Variants in PCAT7 observed in about 807,000 individuals in gnomAD.
The protein encoded by PCAT7 is prostate cancer associated transcript 7, also known as prostate cancer associated transcript 7 (non-protein coding).
At chr9:94,558,430 G>C (rs1395175564) in intron 1 of PCAT7, among the ~76,000 whole-genome samples, 1 of 152,116 alleles carries the variant, frequency 6.6e-6, no homozygotes, top group Non-Finnish European at 1.5e-5. Context: ...GAGTAGCTGG[G>C]ACTACAGGCG....
At chr9:94,561,802 C>T (rs1296507297) in intron 2 of PCAT7, among the ~76,000 whole-genome samples, 3 of 152,230 alleles carry the variant, frequency 2.0e-5, no homozygotes, top group South Asian at 2.1e-4. Flanking sequence ...AGCAGAAATG[C>T]GGAGATTAGG....
chr9:94,555,914 A>G (rs1827000606), intron 1 of PCAT7, among the ~76,000 whole-genome samples: 1 of 143,696 alleles, frequency 7.0e-6, no homozygotes, highest in African/African-American at 2.6e-5. Flanking sequence ...GGCAAAAAGG[A>G]GGGTGGCAAG....
chr9:94,559,018 G>A (rs376093116), exon 2 of PCAT7: 69 of 1,614,088 alleles, frequency 4.3e-5, no homozygotes, highest in Middle Eastern at 1.6e-4. Flanking sequence ...AGGGGGACTC[G>A]CTGGTGAATT....
At chr9:94,571,680 A>AAC in intron 2 of PCAT7, 1 of 1,280,534 alleles carries the variant, frequency 7.8e-7, no homozygotes, top group Non-Finnish European at 1.1e-6. Flanking sequence ...TGGGCTTCAG[A>AAC]TCTCCTCGAA....
At chr9:94,571,699 G>T in intron 2 of PCAT7, 1 of 1,137,814 alleles carries the variant, frequency 8.8e-7, no homozygotes. Flanking sequence ...AATCACTGAA[G>T]GAAGCGCGGT....
chr9:94,571,055 G>C (rs929746441), intron 2 of PCAT7: 3 of 158,800 alleles, frequency 1.9e-5, no homozygotes, highest in Non-Finnish European at 4.1e-5. Context: ...TGATGGGCAA[G>C]CCATCCAGCA....
chr9:94,560,347 T>C (rs1827078238), intron 2 of PCAT7, among the ~76,000 whole-genome samples: 1 of 152,176 alleles, frequency 6.6e-6, no homozygotes, highest in African/African-American at 2.4e-5. Flanking sequence ...TGAATTGAAA[T>C]GAATGGGGTT....
rs1010788991 is a variant in PCAT7, at chr9:94,564,556, G to A, written n.441+5404G>A. On this transcript the variant is annotated intron_variant and non_coding_transcript_variant, in intron 2 of 8. Coordinates refer to ENST00000647389, the Ensembl canonical transcript of PCAT7. ...CTAATTATCTTAAGTAAACTAACAC[G>A]GAAATAGGAAACCAAATGCCACATG... 2.0e-4 allele frequency among the ~76,000 whole-genome samples: 30 copies of A among 152,104 alleles called. No individual in the cohort carries two copies. In the South Asian group the frequency reaches 2.9e-3, roughly 15 times the overall value.
intron 2 of PCAT7, chr9:94,567,511 G>A: frequency 7.2e-7 from 1 of 1,397,586 alleles, no homozygotes; most frequent in Non-Finnish European, 9.8e-7. Context: ...CCTGCTGGCA[G>A]AGCTGGGGCT....
chr9:94,569,552 A>T (rs498635), intron 2 of PCAT7: 73,965 of 152,134 alleles, frequency 0.49, 18,600 homozygotes, highest in African/African-American at 0.6. Context: ...GGGCCGGGAC[A>T]CTCAGGCCCT....
chr9:94,557,845 A>G (rs1453249562), intron 1 of PCAT7, among the ~76,000 whole-genome samples: 1 of 152,222 alleles, frequency 6.6e-6, no homozygotes, highest in African/African-American at 2.4e-5. Flanking sequence ...ATTCAGAGCA[A>G]TTCTTCCTAA....
chr9:94,564,595 G>A (rs898522744), intron 2 of PCAT7, among the ~76,000 whole-genome samples: 6 of 152,264 alleles, frequency 3.9e-5, no homozygotes, highest in African/African-American at 1.4e-4. Flanking sequence ...TCACTTATAA[G>A]TAGGAGCTAA....
At chr9:94,572,089 A>G (rs190651371) in intron 2 of PCAT7, among the ~76,000 whole-genome samples, 119 of 152,278 alleles carry the variant, frequency 7.8e-4, no homozygotes, top group Admixed American at 2.2e-3. Context: ...CAACTCGCCC[A>G]GCAGCAGGAA....
chr9:94,565,863 G>C (rs1020107638), intron 2 of PCAT7, among the ~76,000 whole-genome samples: 2 of 152,092 alleles, frequency 1.3e-5, no homozygotes, highest in African/African-American at 4.8e-5. Flanking sequence ...TAACTTGGGG[G>C]AGGAGAGCAA....
chr9:94,560,720 T>C (rs1291051873), intron 2 of PCAT7, among the ~76,000 whole-genome samples: 1 of 147,954 alleles, frequency 6.8e-6, no homozygotes, highest in African/African-American at 2.5e-5. Context: ...TATTATATAT[T>C]ATATAATATA....
chr9:94,572,598 G>A (rs1014526318), intron 2 of PCAT7, among the ~76,000 whole-genome samples: 1 of 152,122 alleles, frequency 6.6e-6, no homozygotes, highest in African/African-American at 2.4e-5. Flanking sequence ...TGACTTCCCA[G>A]CTAGACTGTG....
chr9:94,563,427 C>T, intron 2 of PCAT7: 11 of 1,613,976 alleles, frequency 6.8e-6, no homozygotes, highest in South Asian at 2.2e-5. Context: ...CACCATGGAG[C>T]CCACATACCT....
chr9:94,570,791 A>T (rs1367569629), intron 2 of PCAT7: 2 of 152,136 alleles, frequency 1.3e-5, no homozygotes, highest in African/African-American at 4.8e-5. Context: ...AAATTTTGCA[A>T]ACCCCTCTCT....
At chr9:94,556,627 C>A (rs1206543070) in intron 1 of PCAT7, among the ~76,000 whole-genome samples, 1 of 151,798 alleles carries the variant, frequency 6.6e-6, no homozygotes, top group Non-Finnish European at 1.5e-5. Flanking sequence ...CAAATACTTT[C>A]TTCCATTCTC....
Sources: allele counts gnomAD v4.1 joint callset (sites outside exome capture counted in the v4.1 genomes callset), GRCh38; gene constraint gnomAD v4.1.1; transcripts MANE v1.5; gene names NCBI Gene and HGNC (gene_info 2026-07-23, HGNC 2026-07-21).